The following RAB8B variants were observed in gnomAD, a reference collection of about 807,000 sequenced individuals.
The protein encoded by RAB8B is RAB8B, member RAS oncogene family, also known as ras-related protein Rab-8B.
RAB8B carries 11 observed loss-of-function variants against 32.0 expected under a neutral mutation model. The ratio of observed to expected loss-of-function variants is 0.34; its 90% CI spans 0.22 to 0.57. RAB8B has a LOEUF of 0.57. Among genes scored for constraint, RAB8B ranks in the 20% least tolerant of loss-of-function variants. The pLI, the probability that RAB8B is intolerant of heterozygous loss-of-function variation, is 0.86. For missense variants in RAB8B, 190 were observed against 258.5 expected (o/e 0.73, Z 1.82); for synonymous variants, 103 against 89.6 (o/e 1.15, Z -0.85).
intron 3 of RAB8B, chr15:63,251,153 T>G (rs2152580847): frequency 4.9e-6 from 2 of 405,660 alleles, no homozygotes; most frequent in East Asian, 7.1e-5. Context: ...CTTTTAAGAT[T>G]GTGAAGGGTC....
intron 1 of RAB8B, chr15:63,224,034 A>T (rs2037869359): frequency 5.1e-6 from 1 of 197,906 alleles, no homozygotes; most frequent in African/African-American, 2.3e-5. Flanking sequence ...TTATACCTAC[A>T]TCTTCAGGGT....
chr15:63,249,762 G>A, intron 3 of RAB8B, 57 bp downstream of exon 3: 1 of 1,523,374 alleles, frequency 6.6e-7, no homozygotes, highest in Non-Finnish European at 9.0e-7. Context: ...ATGAATGTTT[G>A]TTTGCCAAGA....
chr15:63,242,522 CA>C (rs1390172779), intron 1 of RAB8B, among the ~76,000 whole-genome samples: 2 of 151,960 alleles, frequency 1.3e-5, no homozygotes, highest in African/African-American at 4.8e-5. Context: ...ACTAAAAATA[CA>C]AAAAATTATC....
intron 1 of RAB8B, among the ~76,000 whole-genome samples, chr15:63,237,092 G>C (rs1053640108): frequency 6.6e-6 from 1 of 152,104 alleles, no homozygotes; most frequent in African/African-American, 2.4e-5. Flanking sequence ...TTCTTTTTAT[G>C]GCTGAATAGT....
Position 63,189,672 on chromosome 15 carries a change from C to G in RAB8B, c.48C>G (p.Asp16Glu). 6.2e-7 allele frequency: 1 copy of G among 1,614,012 alleles called. No individual in the cohort carries two copies. ...TCTTCAAGCTCCTGCTGATCGGCGA[C>G]TCGGGGGTAGGCAAGACCTGCCTCC... ...DYLFKLLLIG[D>E]SGVGKTCLLF... is the part of the protein sequence containing the mutation. Residue 16 changes from aspartate (D) to glutamate (E), a missense_variant, in exon 1 of 8, where the codon GAC becomes GAG. Physicochemically the swap from Asp to Glu is conservative, Grantham distance 45. This residue lies in a region of RAB8B where 80 missense variants were observed against 142.6 expected (regional missense o/e 0.56). Coordinates refer to ENST00000321437, the MANE Select transcript of RAB8B (RefSeq NM_016530.3).
chr15:63,243,934 A>G (rs2038051571), intron 1 of RAB8B, among the ~76,000 whole-genome samples: 1 of 152,202 alleles, frequency 6.6e-6, no homozygotes, highest in Admixed American at 6.5e-5. Context: ...ACTCATGCAG[A>G]AGAAAATGTA....
chr15:63,226,452 T>TG (rs780524050), intron 1 of RAB8B, among the ~76,000 whole-genome samples: 4 of 152,202 alleles, frequency 2.6e-5, no homozygotes, highest in Non-Finnish European at 5.9e-5. Context: ...CCTTCAACTT[T>TG]GAGTCCTGCA....
At chr15:63,257,668 G>A (rs2038168736) in intron 5 of RAB8B, among the ~76,000 whole-genome samples, 1 of 152,122 alleles carries the variant, frequency 6.6e-6, no homozygotes, top group Non-Finnish European at 1.5e-5. Flanking sequence ...GGAACTTTTT[G>A]AGGAATATAT....
chr15:63,249,606 A>G, intron 2 of RAB8B, 39 bp from the exon 3 acceptor site: 1 of 1,592,374 alleles, frequency 6.3e-7, no homozygotes, highest in Non-Finnish European at 8.6e-7. Flanking sequence ...GATGCTGGTG[A>G]TGACTTCAAA....
At position 63,248,249 on chromosome 15, in the gene RAB8B, C is replaced by T. The variant is rs2038086936; in HGVS notation, c.186-1396C>T. 6.6e-6 allele frequency among the ~76,000 whole-genome samples: 1 copy of T among 152,196 alleles called. No homozygotes were observed. The highest frequency in any genetic ancestry group is 2.4e-5 in the African/African-American group (1 of 41,444). ...ATGAGCTGGGCCGGGTGCAGTGGCTCACGCCTGTAATGCCAGCACGTTGGG... is the reference window on the plus strand; with the variant it reads ...ATGAGCTGGGCCGGGTGCAGTGGCTTACGCCTGTAATGCCAGCACGTTGGG... On this transcript the variant is annotated intron_variant, in intron 2 of 7. Coordinates refer to ENST00000321437, the MANE Select transcript of RAB8B (RefSeq NM_016530.3). This position sits in a 1 kb window ranked among gnomAD's most constrained non-coding sequence, Gnocchi z 4.4.
At position 63,252,922 on chromosome 15, in the gene RAB8B, AT is replaced by A. The variant is rs562140900; in HGVS notation, c.247-2580del. 3.9e-5 allele frequency among the ~76,000 whole-genome samples: 6 copies of A among 152,160 alleles called. No homozygotes were observed. In the East Asian group the frequency reaches 1.2e-3, roughly 29 times the overall value. Reference sequence around the variant, plus strand: ...CATCACCATGCTCAGCTAATTTTGTATTTTTAATAGAGATGGGGTTTCCCCA... The same window carrying A: ...CATCACCATGCTCAGCTAATTTTGTATTTTAATAGAGATGGGGTTTCCCCA... On this transcript the variant is annotated intron_variant, in intron 3 of 7. Transcript: ENST00000321437.
At chr15:63,253,672 GA>G (rs756041929) in intron 3 of RAB8B, among the ~76,000 whole-genome samples, 5 of 151,538 alleles carry the variant, frequency 3.3e-5, no homozygotes, top group East Asian at 1.9e-4. Context: ...AAGAAAGAAA[GA>G]AAAAAAAGAA....
At chr15:63,218,257 A>C (rs1261383049) in intron 1 of RAB8B, among the ~76,000 whole-genome samples, 1 of 152,230 alleles carries the variant, frequency 6.6e-6, no homozygotes, top group East Asian at 1.9e-4. Context: ...CTCTTACGTT[A>C]AATGGGGATT....
intron 1 of RAB8B, among the ~76,000 whole-genome samples, chr15:63,230,849 C>T (rs929819135): frequency 2.6e-5 from 4 of 152,108 alleles, no homozygotes; most frequent in African/African-American, 9.7e-5. Flanking sequence ...GCATGTGCCA[C>T]CATGCCCAGC....
intron 1 of RAB8B, among the ~76,000 whole-genome samples, chr15:63,239,798 AC>A (rs2038016778): frequency 6.6e-6 from 1 of 152,206 alleles, no homozygotes; most frequent in East Asian, 1.9e-4. Flanking sequence ...TAATTTAGTT[AC>A]TGTACACATG....
chr15:63,238,986 G>A (rs925794576), intron 1 of RAB8B, among the ~76,000 whole-genome samples: 2 of 152,198 alleles, frequency 1.3e-5, no homozygotes, highest in South Asian at 2.1e-4. Context: ...TTTTCTTCTG[G>A]TATTGCTGTT....
intron 2 of RAB8B, among the ~76,000 whole-genome samples, chr15:63,246,782 C>T (rs1018042508): frequency 1.9e-4 from 29 of 152,192 alleles, no homozygotes; most frequent in African/African-American, 6.3e-4. Context: ...CTGAAAGTTC[C>T]AGCCCGCTTA....
chr15:63,248,130 G>A lies in RAB8B; in HGVS notation c.186-1515G>A, dbSNP rs984647640. 2.0e-5 allele frequency among the ~76,000 whole-genome samples: 3 copies of A among 152,278 alleles called. No homozygotes were observed. The highest frequency in any genetic ancestry group is 1.9e-4 in the East Asian group (1 of 5,188). ...ACAAGTGCCCCATGCATCTAATGCC[G>A]ATCAAAGAAAATGACAGGATAAGAT... On this transcript the variant is annotated intron_variant, in intron 2 of 7. Coordinates refer to ENST00000321437, the MANE Select transcript of RAB8B (RefSeq NM_016530.3). The surrounding 1 kb of genome is among the most constrained non-coding windows in gnomAD (Gnocchi z 4.4).
At chr15:63,236,558 T>G in intron 1 of RAB8B, among the ~76,000 whole-genome samples, 1 of 152,140 alleles carries the variant, frequency 6.6e-6, no homozygotes. Flanking sequence ...TATTATATTA[T>G]GTGCTGCCAA....
Sources: allele counts gnomAD v4.1 joint callset (sites outside exome capture counted in the v4.1 genomes callset), GRCh38; gene constraint gnomAD v4.1.1; regional missense constraint gnomAD v4.1.1; non-coding constraint Gnocchi (gnomAD v3.1); transcripts MANE v1.5; gene names NCBI Gene and HGNC (gene_info 2026-07-23, HGNC 2026-07-21).